The following SEMA3A variants were observed in gnomAD, a reference collection of about 807,000 sequenced individuals.
SEMA3A encodes semaphorin 3A.
In SEMA3A, 29 loss-of-function variants were observed where a neutral mutation model predicts 97.9. The observed-to-expected ratio is 0.30, with a 90% CI of 0.22 to 0.40. SEMA3A has a LOEUF of 0.40. SEMA3A is among the 10% of genes least tolerant of loss of function. The pLI, the probability that SEMA3A is intolerant of heterozygous loss-of-function variation, is 1.00. For missense variants in SEMA3A, 763 were observed against 951.3 expected, an observed-to-expected ratio of 0.80 and a Z score of 2.60; for synonymous variants, 321 against 323.7, an observed-to-expected ratio of 0.99 and a Z score of 0.09.
chr7:83,961,319 T>G lies in SEMA3A; in HGVS notation c.*52A>C. ...ATGTATATTGCATTTGTTTTTCCAG[T>G]TATTGTCTAGGCAAGTTTCTACTTG... On this transcript the variant is annotated 3_prime_UTR_variant, in exon 17 of 17. Transcript: ENST00000265362. 7.0e-7 allele frequency: 1 copy of G among 1,433,078 alleles called. No individual in the cohort carries two copies. The highest frequency in any genetic ancestry group is 9.8e-7 in the Non-Finnish European group (1 of 1,020,174). 88.8% of individuals were successfully genotyped at this position (1,433,078 alleles called of 1,614,324 possible).
At chr7:84,303,478 T>C (rs1391375435) in intron 3 of SEMA3A, among the ~76,000 whole-genome samples, 2 of 151,890 alleles carry the variant, frequency 1.3e-5, no homozygotes, top group Non-Finnish European at 2.9e-5. Flanking sequence ...AGACAACTTA[T>C]CTGAAAATCA....
intron 5 of SEMA3A, among the ~76,000 whole-genome samples, chr7:84,049,945 A>C (rs1214929798): frequency 7.0e-6 from 1 of 143,072 alleles, no homozygotes; most frequent in Non-Finnish European, 1.5e-5. Flanking sequence ...ATTCCCACCT[A>C]TGAGTGAGAA....
chr7:84,199,105 G>T (rs1440136512), upstream of SEMA3A, among the ~76,000 whole-genome samples: 1 of 152,132 alleles, frequency 6.6e-6, no homozygotes, highest in East Asian at 1.9e-4. Context: ...TTCCTAATTT[G>T]TGAGATAGCC....
At chr7:84,164,834 G>T (rs575785825) in intron 1 of SEMA3A, among the ~76,000 whole-genome samples, 1 of 151,996 alleles carries the variant, frequency 6.6e-6, no homozygotes, top group African/African-American at 2.4e-5. Flanking sequence ...ATTAGTCCCA[G>T]GTGACAAAGA....
At chr7:84,222,967 A>T (rs978123524) in intron 3 of SEMA3A, among the ~76,000 whole-genome samples, 1 of 151,912 alleles carries the variant, frequency 6.6e-6, no homozygotes, top group South Asian at 2.1e-4. Context: ...AACAGATTAA[A>T]CAAATTAAAA....
At chr7:84,255,859 A>G (rs896999525) in intron 3 of SEMA3A, among the ~76,000 whole-genome samples, 1 of 150,054 alleles carries the variant, frequency 6.7e-6, no homozygotes, top group African/African-American at 2.5e-5. Context: ...GACTTTTAAA[A>G]TGTTAATGTC....
chr7:84,097,396 T>A (rs2115881203), intron 4 of SEMA3A, among the ~76,000 whole-genome samples: 1 of 152,278 alleles, frequency 6.6e-6, no homozygotes, highest in African/African-American at 2.4e-5. Flanking sequence ...AATAGATAAG[T>A]ATTTTTTAAT....
chr7:84,378,174 T>G (rs1003936733), intron 1 of SEMA3A, among the ~76,000 whole-genome samples: 2 of 152,062 alleles, frequency 1.3e-5, no homozygotes, highest in Non-Finnish European at 2.9e-5. Flanking sequence ...AATGAAGTTA[T>G]CCATAATGTC....
At chr7:84,356,032 T>A (rs1017611864) in intron 2 of SEMA3A, among the ~76,000 whole-genome samples, 2 of 151,962 alleles carry the variant, frequency 1.3e-5, no homozygotes, top group East Asian at 3.9e-4. Flanking sequence ...AACATTATAC[T>A]AATCTTTGCT....
intron 4 of SEMA3A, among the ~76,000 whole-genome samples, chr7:84,076,113 A>T (rs1301149389): frequency 1.3e-5 from 2 of 152,176 alleles, no homozygotes; most frequent in African/African-American, 4.8e-5. Context: ...AAATTTAGTT[A>T]ATTATAATTT....
intron 2 of SEMA3A, among the ~76,000 whole-genome samples, chr7:84,332,343 A>G (rs1206797236): frequency 6.6e-6 from 1 of 152,164 alleles, no homozygotes; most frequent in Admixed American, 6.6e-5. Context: ...TTTTTCATGT[A>G]TATGTAATCT....
chr7:84,308,536 G>A (rs1255855592), intron 2 of SEMA3A, among the ~76,000 whole-genome samples: 1 of 152,152 alleles, frequency 6.6e-6, no homozygotes, highest in Non-Finnish European at 1.5e-5. Context: ...GGTGGATATT[G>A]GAATTGCCAT....
chr7:84,341,923 C>G (rs1377096764), intron 2 of SEMA3A, among the ~76,000 whole-genome samples: 4 of 152,136 alleles, frequency 2.6e-5, no homozygotes, highest in Non-Finnish European at 5.9e-5. Flanking sequence ...AGAATCTTTA[C>G]CCACCCTGCC....
intron 1 of SEMA3A, among the ~76,000 whole-genome samples, chr7:84,405,826 A>C (rs767402176): frequency 3.0e-4 from 46 of 152,192 alleles, no homozygotes; most frequent in Non-Finnish European, 1.5e-4. Context: ...TGAAGGCAGA[A>C]ATAAAGATGT....
At chr7:83,990,951 G>T (rs1256422482) in intron 12 of SEMA3A, among the ~76,000 whole-genome samples, 1 of 152,132 alleles carries the variant, frequency 6.6e-6, no homozygotes, top group Admixed American at 6.5e-5. Context: ...CTACCCATGA[G>T]CATGGAATGT....
In SEMA3A at chr7:84,291,834, T is replaced by C. The variant is rs558503447; in HGVS notation, c.-83+15373A>G. On this transcript the variant is annotated intron_variant, in intron 3 of 3. Transcript: ENST00000424555. Reference sequence around the variant, plus strand: ...CCATTTTAGTTCCCTAAAGAGTTTATTCCTTTGGGCAAAATAGTCATGTGG... The same window carrying C: ...CCATTTTAGTTCCCTAAAGAGTTTACTCCTTTGGGCAAAATAGTCATGTGG... Among the ~76,000 whole-genome samples the C allele has an allele frequency of 3.3e-5, 5 of 152,258 alleles. No homozygotes were observed. The East Asian group carries it at 9.7e-4, about 29-fold the overall frequency.
intron 2 of SEMA3A, among the ~76,000 whole-genome samples, chr7:84,307,535 A>C (rs2115849918): frequency 6.6e-6 from 1 of 152,276 alleles, no homozygotes; most frequent in South Asian, 2.1e-4. Flanking sequence ...ATCGGATTTG[A>C]TGGAGTTTGA....
At chr7:84,089,224 C>T (rs1012934544) in intron 4 of SEMA3A, among the ~76,000 whole-genome samples, 1 of 152,064 alleles carries the variant, frequency 6.6e-6, no homozygotes, top group African/African-American at 2.4e-5. Flanking sequence ...TAGTCATAAC[C>T]GTTCTGTTTA....
Position 84,129,133 on chromosome 7 carries a change from T to C in SEMA3A, c.323A>G (p.Lys108Arg). Residue 108 changes from lysine to arginine, a missense_variant, in exon 3 of 17, where the codon AAA (lysine) becomes AGA (arginine). Transcript: ENST00000265362. ...TAGGTTAATGCTTACCAGGATGTCT[T>C]TTCCAGCCCACTTGCATTCATCTCT... The part of the protein sequence containing the change: ...TRRDECKWAG[K>R]DILKECANFI... The C allele has an allele frequency of 6.2e-7, 1 of 1,612,004 alleles. No homozygotes were observed. The highest frequency in any genetic ancestry group is 8.5e-7 in the Non-Finnish European group (1 of 1,178,150).
Sources: allele counts gnomAD v4.1 joint callset (sites outside exome capture counted in the v4.1 genomes callset), GRCh38; gene constraint gnomAD v4.1.1; transcripts MANE v1.5; gene names NCBI Gene and HGNC (gene_info 2026-07-23, HGNC 2026-07-21).